The following ANKS4B variants were observed in gnomAD, a reference collection of about 807,000 sequenced individuals.
ANKS4B encodes ankyrin repeat and sterile alpha motif domain containing 4B.
In ANKS4B, 21 loss-of-function variants were observed where a neutral mutation model predicts 20.2. The ratio of observed to expected loss-of-function variants is 1.04; its 90% CI spans 0.74 to 1.50. ANKS4B has a LOEUF of 1.50. Among genes scored for constraint, ANKS4B ranks in the 40% most tolerant of loss-of-function variants. The pLI is 0.00. For synonymous variants in ANKS4B, 179 were observed against 194.5 expected, an observed-to-expected ratio of 0.92 and a Z score of 0.66; for missense variants, 473 against 494.6, an observed-to-expected ratio of 0.96 and a Z score of 0.41.
chr16:21,248,322 CTTTT>C (rs59170909), intron 1 of ANKS4B, among the ~76,000 whole-genome samples: 7 of 131,664 alleles, frequency 5.3e-5, no homozygotes, highest in Non-Finnish European at 8.0e-5. Context: ...TGAGCCTAGC[CTTTT>C]TTTTTTTTTT....
At chr16:21,246,358 C>T (rs956094096) in intron 1 of ANKS4B, among the ~76,000 whole-genome samples, 3 of 152,164 alleles carry the variant, frequency 2.0e-5, no homozygotes, top group Non-Finnish European at 2.9e-5. Flanking sequence ...GGAAGAGGAA[C>T]AGGCTATGAC....
rs750362559 is a variant in ANKS4B, at chr16:21,250,346, G to A, written c.780G>A (p.Val260=). ...TGTCAGCAGAGGAGGACGGCAGTGT[G>A]CACCATGAATCCATTCTCAATCGTC... ...LQLSAEEDGS[V]HHESILNRPG... is the part of the protein sequence containing the mutation. Residue 260 remains valine, a synonymous_variant, in exon 2 of 2, where the codon GTG becomes GTA. Coordinates refer to ENST00000311620, the MANE Select transcript of ANKS4B (RefSeq NM_145865.3). 2 of 1,614,060 alleles carry A rather than the reference G, an allele frequency of 1.2e-6. No homozygotes were observed. Among genetic ancestry groups the A allele is most frequent in the Non-Finnish European group, 1.7e-6 (2 of 1,180,042 alleles).
chr16:21,234,009 A>G, intron 1 of ANKS4B, 108 bp downstream of exon 1: 1 of 1,112,590 alleles, frequency 9.0e-7, no homozygotes, highest in Non-Finnish European at 1.3e-6. Flanking sequence ...CTCTTTCTAG[A>G]TTGTCTAAAT....
chr16:21,253,036 A>G lies in ANKS4B; in HGVS notation c.*2216A>G, dbSNP rs1228538158. 4 of 151,858 alleles carry G rather than the reference A, an allele frequency of 2.6e-5. No homozygotes were observed. The highest frequency in any genetic ancestry group is 7.3e-5 in the African/African-American group (3 of 41,344). 9.4% of individuals were successfully genotyped at this position (151,858 alleles called of 1,614,324 possible). On this transcript the variant is annotated 3_prime_UTR_variant, in exon 2 of 2. Transcript: ENST00000311620. Reference sequence around the variant, plus strand: ...AGACTCCATCTCAAAAAAAAAAAAAAAAAAAAAGAAAAAAGAAACTGACAA... The same window carrying G: ...AGACTCCATCTCAAAAAAAAAAAAAGAAAAAAAGAAAAAAGAAACTGACAA...
chr16:21,247,079 T>G (rs1416772470), intron 1 of ANKS4B, among the ~76,000 whole-genome samples: 1 of 151,866 alleles, frequency 6.6e-6, no homozygotes, highest in Admixed American at 6.6e-5. Flanking sequence ...GCTTTTTTTT[T>G]TTTTTGGAGA....
At chr16:21,247,927 T>A (rs923051238) in intron 1 of ANKS4B, among the ~76,000 whole-genome samples, 1 of 152,188 alleles carries the variant, frequency 6.6e-6, no homozygotes, top group African/African-American at 2.4e-5. Context: ...GTCATGGAAG[T>A]AAGTTGAGGA....
chr16:21,243,615 G>A (rs1400760048), intron 1 of ANKS4B, among the ~76,000 whole-genome samples: 16 of 152,136 alleles, frequency 1.1e-4, no homozygotes, highest in East Asian at 9.7e-4. Flanking sequence ...TCTGTTGCCT[G>A]GGCTGGAGTG....
chr16:21,245,895 T>C (rs955895116), intron 1 of ANKS4B, among the ~76,000 whole-genome samples: 21 of 152,244 alleles, frequency 1.4e-4, no homozygotes, highest in Non-Finnish European at 2.8e-4. Flanking sequence ...ATAAGTAATG[T>C]TTATTCAATA....
At chr16:21,235,104 T>A (rs548760601) in intron 1 of ANKS4B, among the ~76,000 whole-genome samples, 31 of 152,282 alleles carry the variant, frequency 2.0e-4, no homozygotes, top group African/African-American at 7.2e-4. Context: ...AGCCTCGGTC[T>A]CCCAAAGTGC....
rs1422139785 is a variant in ANKS4B, at chr16:21,251,789, T to A, written c.*969T>A. 1 of 152,230 alleles carries A rather than the reference T, an allele frequency of 6.6e-6. No individual in the cohort carries two copies. The highest frequency in any genetic ancestry group is 1.5e-5 in the Non-Finnish European group (1 of 68,050). 9.4% of individuals were successfully genotyped at this position (152,230 alleles called of 1,614,324 possible). Reference sequence around the variant, plus strand: ...AATACAGGTGGTACCTGTTGTGGACTGAATTGCGTCAAATTCATATGTTGG... The same window carrying A: ...AATACAGGTGGTACCTGTTGTGGACAGAATTGCGTCAAATTCATATGTTGG... On this transcript the variant is annotated 3_prime_UTR_variant, in exon 2 of 2. Coordinates refer to ENST00000311620, the MANE Select transcript of ANKS4B (RefSeq NM_145865.3).
chr16:21,235,287 G>A (rs571271650), intron 1 of ANKS4B, among the ~76,000 whole-genome samples: 2 of 152,198 alleles, frequency 1.3e-5, no homozygotes, highest in Non-Finnish European at 1.5e-5. Context: ...TTGGCTAGAC[G>A]AAAGAGTGTT....
chr16:21,249,705 A>G, intron 1 of ANKS4B, 26 bp from the exon 2 acceptor site: 1 of 1,551,944 alleles, frequency 6.4e-7, no homozygotes, highest in Middle Eastern at 1.7e-4. Flanking sequence ...TCCAACATGT[A>G]TTTTTTTTCT....
intron 1 of ANKS4B, among the ~76,000 whole-genome samples, chr16:21,235,438 A>C (rs953473511): frequency 6.6e-6 from 1 of 152,176 alleles, no homozygotes; most frequent in African/African-American, 2.4e-5. Flanking sequence ...TCTGGTAAGG[A>C]CTTTATCCTA....
At chr16:21,249,433 C>T (rs1380353718) in intron 1 of ANKS4B, among the ~76,000 whole-genome samples, 4 of 152,178 alleles carry the variant, frequency 2.6e-5, no homozygotes, top group African/African-American at 9.6e-5. Context: ...GCTGTGATCA[C>T]ACCATTCCAC....
chr16:21,244,106 C>G (rs2093329602), intron 1 of ANKS4B: 1 of 149,930 alleles, frequency 6.7e-6, no homozygotes, highest in Admixed American at 6.7e-5. Context: ...AGATCATGTC[C>G]TTTGCAGGGA....
At chr16:21,236,255 T>C (rs1026757957) in intron 1 of ANKS4B, among the ~76,000 whole-genome samples, 13 of 152,046 alleles carry the variant, frequency 8.6e-5, no homozygotes, top group African/African-American at 3.1e-4. Context: ...ATGAGGACAG[T>C]ACCAAGGGGA....
At position 21,253,845 on chromosome 16, in the gene ANKS4B, A is replaced by G. The variant is rs2093342317; in HGVS notation, c.*3025A>G. The stretch of plus-strand genomic sequence containing the variant: ...TATATAATAAAAAAAGGTTTATACC[A>G]TGTTATAAGATGTTATCAATGTTCT... On this transcript the variant is annotated 3_prime_UTR_variant, in exon 2 of 2. Transcript: ENST00000311620. 6.6e-6 allele frequency: 1 copy of G among 152,236 alleles called. No individual in the cohort carries two copies. Among genetic ancestry groups the G allele is most frequent in the South Asian group, 2.1e-4 (1 of 4,830 alleles). The allele number at this position is 152,236 out of a possible 1,614,324, so 9.4% of individuals were successfully genotyped here. A position where few individuals can be genotyped will look rare whatever the true frequency, so the allele number is the denominator to read the frequency against.
intron 1 of ANKS4B, among the ~76,000 whole-genome samples, chr16:21,248,607 G>A (rs1420976928): frequency 6.6e-6 from 1 of 151,948 alleles, no homozygotes; most frequent in Non-Finnish European, 1.5e-5. Context: ...GTGGGTGCCT[G>A]CAGTCCCAGC....
rs772504457 is a variant in ANKS4B at position 21,249,768 on chromosome 16, C to G, written c.202C>G (p.Pro68Ala). 5.6e-6 allele frequency: 9 copies of G among 1,614,070 alleles called. No homozygotes were observed. The East Asian group carries it at 2.0e-4, about 36-fold the overall frequency. Residue 68 changes from proline (P) to alanine (A), a missense_variant, in exon 2 of 2, where the codon CCT becomes GCT. Coordinates refer to ENST00000311620, the MANE Select transcript of ANKS4B (RefSeq NM_145865.3). ...PDRCDIWGNT[P>A]LHFAASNGHA... ...TAGGTGTGACATCTGGGGAAACACTCCTCTACATTTTGCAGCCTCCAATGG... is the reference window on the plus strand; with the variant it reads ...TAGGTGTGACATCTGGGGAAACACTGCTCTACATTTTGCAGCCTCCAATGG...
Sources: gnomAD v4.1 joint callset for allele counts (sites outside exome capture counted in the v4.1 genomes callset) on GRCh38, gnomAD v4.1.1 for gene constraint, MANE v1.5 for transcripts, NCBI Gene and HGNC (gene_info 2026-07-23, HGNC 2026-07-21) for gene names.